The following SLC25A26 variants were observed in gnomAD, a reference collection of about 807,000 sequenced individuals.
SLC25A26 encodes the protein solute carrier family 25 member 26, also known as mitochondrial S-adenosylmethionine carrier protein.
In SLC25A26, 36 loss-of-function variants were observed where a neutral mutation model predicts 37.8. That is an observed-to-expected ratio of 0.95 (90% confidence interval 0.73 to 1.26). SLC25A26 has a LOEUF of 1.26. SLC25A26 is among the 50% of genes most tolerant of loss of function. The pLI is 0.00. For missense variants in SLC25A26, 390 were observed against 331.1 expected (o/e 1.18, Z -1.38); for synonymous variants, 129 against 122.5 (o/e 1.05, Z -0.35).
chr3:66,325,981 G>A (rs540488355), intron 5 of SLC25A26, among the ~76,000 whole-genome samples: 2 of 152,302 alleles, frequency 1.3e-5, no homozygotes, highest in South Asian at 4.1e-4. Context: ...CTTGGACTAG[G>A]AGTACATTAG....
intron 1 of SLC25A26, among the ~76,000 whole-genome samples, chr3:66,234,555 A>G (rs1284070201): frequency 1.3e-5 from 2 of 152,154 alleles, no homozygotes; most frequent in Non-Finnish European, 2.9e-5. Context: ...TAGTATTACT[A>G]TTTATAGTAA....
chr3:66,208,916 G>A (rs1341779317), intron 1 of SLC25A26, among the ~76,000 whole-genome samples: 8 of 85,760 alleles, frequency 9.3e-5, no homozygotes, highest in African/African-American at 3.4e-4. Context: ...ATATATAAAT[G>A]TGTATATATA....
chr3:66,196,276 C>T (rs1016268675), intron 1 of SLC25A26, among the ~76,000 whole-genome samples: 12 of 152,310 alleles, frequency 7.9e-5, no homozygotes, highest in East Asian at 3.9e-4. Context: ...GGATCCAGCC[C>T]TGGTCATGCT....
intron 1 of SLC25A26, among the ~76,000 whole-genome samples, chr3:66,151,167 G>C (rs919263471): frequency 6.6e-6 from 1 of 152,148 alleles, no homozygotes; most frequent in Non-Finnish European, 1.5e-5. Flanking sequence ...TGAGTGCAGA[G>C]TGATGACGAT....
At chr3:66,198,606 C>G (rs1289777605) in intron 1 of SLC25A26, among the ~76,000 whole-genome samples, 1 of 151,866 alleles carries the variant, frequency 6.6e-6, no homozygotes, top group Non-Finnish European at 1.5e-5. Context: ...CACCCAGACA[C>G]TCACCCTCAC....
chr3:66,278,203 A>T (rs1203043472), intron 5 of SLC25A26, among the ~76,000 whole-genome samples: 1 of 152,176 alleles, frequency 6.6e-6, no homozygotes, highest in Non-Finnish European at 1.5e-5. Flanking sequence ...GTTTGTTTTT[A>T]AAAAACAAAC....
intron 5 of SLC25A26, among the ~76,000 whole-genome samples, chr3:66,266,487 G>A (rs536367995): frequency 3.3e-5 from 5 of 151,348 alleles, no homozygotes; most frequent in Admixed American, 2.0e-4. Flanking sequence ...TATCTCCCTA[G>A]CAGTTGCCCA....
intron 3 of SLC25A26, among the ~76,000 whole-genome samples, chr3:66,255,337 A>G (rs59261385): frequency 3.9e-4 from 59 of 152,298 alleles, no homozygotes; most frequent in African/African-American, 1.4e-3. Flanking sequence ...GCAGTCAATT[A>G]AAAACAACAG....
intron 5 of SLC25A26, among the ~76,000 whole-genome samples, chr3:66,286,122 G>A (rs1332095129): frequency 6.6e-6 from 1 of 152,174 alleles, no homozygotes; most frequent in Non-Finnish European, 1.5e-5. Flanking sequence ...GCCCTTAGGT[G>A]ATTTGCAGTA....
intron 3 of SLC25A26, 145 bp downstream of exon 3, chr3:66,243,457 C>G: frequency 1.9e-6 from 1 of 512,834 alleles, no homozygotes; most frequent in South Asian, 3.1e-5. Context: ...TTAAATATGA[C>G]AGTTCGAAGA....
chr3:66,353,805 G>A (rs765243888), intron 6 of SLC25A26, among the ~76,000 whole-genome samples: 10 of 152,206 alleles, frequency 6.6e-5, no homozygotes, highest in Non-Finnish European at 1.3e-4. Context: ...CAGTTAATGA[G>A]TTCAGCCAGA....
chr3:66,157,482 A>G (rs1348430316), intron 1 of SLC25A26, among the ~76,000 whole-genome samples: 1 of 152,264 alleles, frequency 6.6e-6, no homozygotes, highest in Non-Finnish European at 1.5e-5. Context: ...TTCTACAATT[A>G]TACTATGAGG....
intron 1 of SLC25A26, among the ~76,000 whole-genome samples, chr3:66,215,598 A>C: frequency 6.6e-6 from 1 of 152,362 alleles, no homozygotes; most frequent in East Asian, 1.9e-4. Context: ...TCCCAAAAGC[A>C]TTTATTGAAA....
chr3:66,269,149 G>T (rs991335329), intron 5 of SLC25A26, among the ~76,000 whole-genome samples: 2 of 152,168 alleles, frequency 1.3e-5, no homozygotes, highest in African/African-American at 4.8e-5. Flanking sequence ...GACTCTTCTC[G>T]TTGATACCTT....
At chr3:66,360,402 T>C (rs1373268211) in intron 6 of SLC25A26, among the ~76,000 whole-genome samples, 2 of 152,060 alleles carry the variant, frequency 1.3e-5, no homozygotes, top group East Asian at 3.9e-4. Context: ...AAGGCAAAAA[T>C]GAAAATAAAC....
intron 1 of SLC25A26, among the ~76,000 whole-genome samples, chr3:66,212,188 C>A (rs967978593): frequency 5.3e-5 from 8 of 152,164 alleles, no homozygotes; most frequent in Admixed American, 3.3e-4. Context: ...CATAGTTAAC[C>A]GCAGCCTGAA....
intron 5 of SLC25A26, among the ~76,000 whole-genome samples, chr3:66,317,971 G>T (rs1033182534): frequency 6.6e-6 from 1 of 152,156 alleles, no homozygotes; most frequent in Non-Finnish European, 1.5e-5. Context: ...TGGTGGCAGG[G>T]GAAAACAGCC....
At chr3:66,345,829 C>G (rs1284448801) in intron 5 of SLC25A26, among the ~76,000 whole-genome samples, 2 of 152,196 alleles carry the variant, frequency 1.3e-5, no homozygotes, top group Non-Finnish European at 2.9e-5. Context: ...TTTCAGTAGC[C>G]AGACTATTGT....
At chr3:66,343,734 A>G (rs1033308034) in intron 5 of SLC25A26, among the ~76,000 whole-genome samples, 2 of 152,168 alleles carry the variant, frequency 1.3e-5, no homozygotes, top group Non-Finnish European at 2.9e-5. Flanking sequence ...CTTATGAAAT[A>G]TTTACCTTCT....
Sources: allele counts gnomAD v4.1 joint callset (sites outside exome capture counted in the v4.1 genomes callset), GRCh38; gene constraint gnomAD v4.1.1; transcripts MANE v1.5; gene names NCBI Gene and HGNC (gene_info 2026-07-23, HGNC 2026-07-21).